The following ANTXR2 variants were observed in gnomAD, a reference collection of about 807,000 sequenced individuals.
The protein encoded by ANTXR2 is ANTXR cell adhesion molecule 2, also known as anthrax toxin receptor 2.
ANTXR2 carries 44 observed loss-of-function variants against 73.7 expected under a neutral mutation model. The observed-to-expected ratio is 0.60, with a 90% CI of 0.47 to 0.77. ANTXR2 has a LOEUF of 0.77. Among genes scored for constraint, ANTXR2 ranks in the 30% least tolerant of loss-of-function variants. The pLI is 0.00. For missense variants in ANTXR2, 604 were observed against 592.5 expected (o/e 1.02, Z -0.20); for synonymous variants, 217 against 205.9 (o/e 1.05, Z -0.46).
At chr4:79,952,840 T>C (rs2109984759) in intron 16 of ANTXR2, among the ~76,000 whole-genome samples, 1 of 151,858 alleles carries the variant, frequency 6.6e-6, no homozygotes, top group South Asian at 2.1e-4. Flanking sequence ...AATATTATTA[T>C]TTTATACAAC....
In ANTXR2 at chr4:80,054,316, G is replaced by A; in HGVS notation, c.592C>T (p.Pro198Ser). The A allele has an allele frequency of 6.3e-7, 1 of 1,593,418 alleles. No individual in the cohort carries two copies. Among genetic ancestry groups the A allele is most frequent in the Non-Finnish European group, 8.5e-7 (1 of 1,170,530 alleles). ...RIADSKEQVF[P>S]VKGGFQALKG... ...AGAGCCTGAAATCCACCTTTGACAG[G>A]GAAAACTTGCTCCTTGGAATCAGCA... Residue 198 changes from proline (P) to serine (S), a missense_variant, in exon 7 of 17, where the codon CCT (proline) becomes TCT (serine). Physicochemically the swap from Pro to Ser is moderately conservative, Grantham distance 74 (BLOSUM62 -1). Transcript: ENST00000403729.
chr4:79,960,055 A>G (rs1053072491), intron 16 of ANTXR2, among the ~76,000 whole-genome samples: 4 of 152,166 alleles, frequency 2.6e-5, no homozygotes, highest in African/African-American at 9.7e-5. Context: ...TGTTTTACAG[A>G]CTTACTAACT....
chr4:79,996,441 T>C, intron 12 of ANTXR2, among the ~76,000 whole-genome samples: 1 of 151,970 alleles, frequency 6.6e-6, no homozygotes, highest in Non-Finnish European at 1.5e-5. Flanking sequence ...AGATAGAGTT[T>C]ATCACCATTT....
At chr4:79,922,103 T>C (rs1727614840) in intron 16 of ANTXR2, among the ~76,000 whole-genome samples, 1 of 152,104 alleles carries the variant, frequency 6.6e-6, no homozygotes, top group Non-Finnish European at 1.5e-5. Context: ...AAATGACTTT[T>C]CTTGCTAAAC....
intron 7 of ANTXR2, among the ~76,000 whole-genome samples, chr4:80,047,490 C>T (rs1733572580): frequency 6.6e-6 from 1 of 151,686 alleles, no homozygotes; most frequent in Middle Eastern, 3.4e-3. Context: ...AATAGTGCTC[C>T]TTTCTATTTG....
intron 10 of ANTXR2, among the ~76,000 whole-genome samples, chr4:80,025,528 A>G (rs972864693): frequency 1.3e-5 from 2 of 152,218 alleles, no homozygotes; most frequent in African/African-American, 4.8e-5. Context: ...TTTACCTTCA[A>G]TTTGCACATA....
Position 79,905,946 on chromosome 4 carries a change from G to A in ANTXR2, c.*1483C>T, listed in dbSNP as rs1170968203. On this transcript the variant is annotated 3_prime_UTR_variant, in exon 17 of 17. Transcript: ENST00000403729. ...TGATAAGCCTTTGTGCTCACAGAGA[G>A]ACATCCCACTGACCCAGCCACTGGT... 1.3e-5 allele frequency: 2 copies of A among 152,500 alleles called. No homozygotes were observed. The highest frequency in any genetic ancestry group is 1.3e-4 in the Admixed American group (2 of 15,256). The allele number at this position is 152,500 out of a possible 1,614,324, so 9.4% of individuals were successfully genotyped here.
intron 12 of ANTXR2, among the ~76,000 whole-genome samples, chr4:79,991,566 G>A (rs970801031): frequency 3.9e-5 from 6 of 152,010 alleles, no homozygotes; most frequent in Admixed American, 2.0e-4. Flanking sequence ...AGAACTTAAA[G>A]CAGAACTACA....
chr4:79,931,169 T>C (rs1382240518), intron 16 of ANTXR2, among the ~76,000 whole-genome samples: 1 of 152,206 alleles, frequency 6.6e-6, no homozygotes, highest in Non-Finnish European at 1.5e-5. Flanking sequence ...CATATTCAAA[T>C]TGTGTACATA....
At chr4:79,927,010 C>CATATATGTGT (rs1727834835) in intron 16 of ANTXR2, among the ~76,000 whole-genome samples, 1 of 138,070 alleles carries the variant, frequency 7.2e-6, no homozygotes, top group Non-Finnish European at 1.6e-5. Context: ...TACACGTGTG[C>CATATATGTGT]ATATATACAT....
intron 12 of ANTXR2, among the ~76,000 whole-genome samples, chr4:79,998,478 T>A (rs10049995): frequency 0.36 from 54,189 of 151,840 alleles, 12,050 homozygotes; most frequent in Non-Finnish European, 0.47. Flanking sequence ...ATCTGGACTG[T>A]CTGGTTACCC....
At chr4:79,979,169 G>A (rs1387766707) in intron 14 of ANTXR2, among the ~76,000 whole-genome samples, 1 of 152,102 alleles carries the variant, frequency 6.6e-6, no homozygotes, top group Non-Finnish European at 1.5e-5. Flanking sequence ...GCAAATGATT[G>A]TTGTATTTTT....
intron 9 of ANTXR2, among the ~76,000 whole-genome samples, chr4:80,032,363 C>G (rs1467909831): frequency 3.3e-5 from 5 of 151,582 alleles, no homozygotes; most frequent in African/African-American, 1.2e-4. Flanking sequence ...TCAAAAGGAG[C>G]TAGGTGAAGC....
chr4:80,065,711 G>A (rs1415241080), intron 3 of ANTXR2, among the ~76,000 whole-genome samples: 2 of 152,192 alleles, frequency 1.3e-5, no homozygotes, highest in Non-Finnish European at 2.9e-5. Flanking sequence ...CCTACGGTAA[G>A]TATTTACTAC....
intron 8 of ANTXR2, 95 bp from the exon 9 acceptor site, chr4:80,033,665 A>C: frequency 1.1e-6 from 1 of 891,608 alleles, no homozygotes; most frequent in Non-Finnish European, 1.7e-6. Flanking sequence ...GCAAAGAATA[A>C]TTTTTTTCAT....
chr4:80,062,077 T>A (rs1396866788), intron 3 of ANTXR2, among the ~76,000 whole-genome samples: 1 of 152,208 alleles, frequency 6.6e-6, no homozygotes, highest in Non-Finnish European at 1.5e-5. Flanking sequence ...TTTAGCTGTA[T>A]CTTACTATAG....
At chr4:79,997,109 T>C (rs1056236732) in intron 12 of ANTXR2, among the ~76,000 whole-genome samples, 1 of 151,960 alleles carries the variant, frequency 6.6e-6, no homozygotes, top group African/African-American at 2.4e-5. Context: ...CCTTTTGATC[T>C]GCTCATTAAC....
rs61741646 is a variant in ANTXR2 at position 80,055,979 on chromosome 4, G to C, written c.331C>G (p.Arg111Gly). 7 of 1,569,278 alleles carry C rather than the reference G, an allele frequency of 4.5e-6. 2 individuals are homozygous for C. The South Asian group carries it at 8.3e-5, about 19-fold the overall frequency. The stretch of plus-strand genomic sequence containing the variant: ...TATGTCTCTCCTACTGGACTAACAC[G>C]TTTTAAATCCTCCAAGCCTTTACTG... ...KISKGLEDLK[R>G]VSPVGETYIH... Residue 111 changes from arginine (R) to glycine (G), a missense_variant, in exon 4 of 17, where the codon CGT becomes GGT. By Grantham distance (125) the Arg-to-Gly change is moderately radical. Coordinates refer to ENST00000403729, the MANE Select transcript of ANTXR2 (RefSeq NM_058172.6).
chr4:80,020,244 G>A (rs1170793044), intron 10 of ANTXR2, among the ~76,000 whole-genome samples: 3 of 152,028 alleles, frequency 2.0e-5, no homozygotes, highest in Non-Finnish European at 4.4e-5. Context: ...TAATTAGCCG[G>A]GCATGGTGGC....
Sources: gnomAD v4.1 joint callset for allele counts (sites outside exome capture counted in the v4.1 genomes callset) on GRCh38, gnomAD v4.1.1 for gene constraint, MANE v1.5 for transcripts, NCBI Gene and HGNC (gene_info 2026-07-23, HGNC 2026-07-21) for gene names.